COL15A1: variants seen among roughly 807,000 people sequenced by gnomAD.
COL15A1 encodes the protein collagen type XV alpha 1 chain.
In COL15A1, 111 loss-of-function variants were observed where a neutral mutation model predicts 165.9. The observed-to-expected ratio is 0.67, with a 90% CI of 0.57 to 0.78. The LOEUF is 0.78. Among genes scored for constraint, COL15A1 ranks in the 30% least tolerant of loss-of-function variants. The pLI, the probability that COL15A1 is intolerant of heterozygous loss-of-function variation, is 0.00. For synonymous variants in COL15A1, 659 were observed against 674.8 expected (o/e 0.98, Z 0.36); for missense variants, 1,745 against 1,789.7 (o/e 0.98, Z 0.45).
chr9:99,062,982 T>C, intron 38 of COL15A1, 68 bp from the exon 39 acceptor site: 1 of 1,537,580 alleles, frequency 6.5e-7, no homozygotes, highest in Admixed American at 2.3e-5. Flanking sequence ...CACTTGCACC[T>C]CAATACACTC....
intron 7 of COL15A1, 92 bp from the exon 8 acceptor site, chr9:99,003,361 G>A: frequency 1.0e-6 from 1 of 978,992 alleles, no homozygotes; most frequent in Non-Finnish European, 1.4e-6. Flanking sequence ...AATGCAGGTG[G>A]CTGGAGAAGG....
intron 24 of COL15A1, among the ~76,000 whole-genome samples, chr9:99,043,801 G>T (rs1259175599): frequency 6.6e-6 from 1 of 152,188 alleles, no homozygotes; most frequent in Non-Finnish European, 1.5e-5. Flanking sequence ...TCAGATAGAA[G>T]GTTTCTGCAC....
chr9:99,012,164 A>C (rs1386878548), intron 9 of COL15A1, among the ~76,000 whole-genome samples: 1 of 152,224 alleles, frequency 6.6e-6, no homozygotes, highest in Non-Finnish European at 1.5e-5. Context: ...CTTTACCAGT[A>C]ATTTTAAAAC....
At chr9:99,013,256 G>T (rs1011277169) in intron 9 of COL15A1, among the ~76,000 whole-genome samples, 1 of 151,990 alleles carries the variant, frequency 6.6e-6, no homozygotes, top group Non-Finnish European at 1.5e-5. Context: ...TTTGTTGGGG[G>T]TTCCCTGTAG....
intron 2 of COL15A1, among the ~76,000 whole-genome samples, chr9:98,959,320 G>T (rs1219815437): frequency 6.6e-6 from 1 of 151,714 alleles, no homozygotes; most frequent in Non-Finnish European, 1.5e-5. Context: ...TGAGGCAGGA[G>T]GATCGATCAC....
At chr9:99,068,939 A>G (rs1468653161) in intron 41 of COL15A1, among the ~76,000 whole-genome samples, 1 of 152,236 alleles carries the variant, frequency 6.6e-6, no homozygotes, top group East Asian at 1.9e-4. Flanking sequence ...CATCTATGTC[A>G]TAGAATTGTG....
intron 2 of COL15A1, among the ~76,000 whole-genome samples, chr9:98,952,073 C>G (rs1198449206): frequency 6.6e-6 from 1 of 152,200 alleles, no homozygotes; most frequent in African/African-American, 2.4e-5. Context: ...ATGGGCCTGT[C>G]CAACTCTGAA....
chr9:99,001,500 C>T (rs892828779), intron 7 of COL15A1, among the ~76,000 whole-genome samples: 3 of 152,210 alleles, frequency 2.0e-5, no homozygotes, highest in Non-Finnish European at 4.4e-5. Context: ...TCACAGCTCT[C>T]TCAGTCACTA....
rs761174334 is a variant in COL15A1, at chr9:99,004,901, C to T, written c.1204C>T (p.Pro402Ser). ...TTCCTGTTGACTTTCTATTCAGGGT[C>T]CAGATAATGAAGAGCGTTTAGCAGC... is the stretch of plus-strand genomic sequence containing the variant. ...ENPEEGVTPG[P>S]DNEERLAATA... The change falls in exon 9 of 42, where the codon CCA becomes TCA. Residue 402 changes from proline (P) to serine (S), a missense_variant. By Grantham distance (74) the Pro-to-Ser change is moderately conservative (BLOSUM62 -1). Coordinates refer to ENST00000375001, the MANE Select transcript of COL15A1 (RefSeq NM_001855.5). The T allele has an allele frequency of 1.2e-6, 2 of 1,613,852 alleles. No homozygotes were observed. Among genetic ancestry groups the T allele is most frequent in the Non-Finnish European group, 1.7e-6 (2 of 1,179,946 alleles).
intron 2 of COL15A1, among the ~76,000 whole-genome samples, chr9:98,946,042 G>A (rs1837578735): frequency 6.6e-6 from 1 of 152,200 alleles, no homozygotes; most frequent in South Asian, 2.1e-4. Flanking sequence ...GGTTTTCAGT[G>A]CCCCTTTGGG....
At chr9:99,053,304 T>A (rs1839622294) in intron 31 of COL15A1, among the ~76,000 whole-genome samples, 1 of 152,242 alleles carries the variant, frequency 6.6e-6, no homozygotes, top group Non-Finnish European at 1.5e-5. Context: ...AGCCCTGTGG[T>A]TTTTCTGTCA....
At chr9:99,020,488 G>C in intron 12 of COL15A1, 46 bp downstream of exon 12, 1 of 1,354,764 alleles carries the variant, frequency 7.4e-7, no homozygotes, top group Non-Finnish European at 1.1e-6. Flanking sequence ...TCCTGATCAA[G>C]TGTCCTGAAC....
intron 27 of COL15A1, 21 bp from the exon 28 acceptor site, chr9:99,047,919 AG>A (rs1246062154): frequency 1.4e-5 from 22 of 1,608,962 alleles, no homozygotes; most frequent in Non-Finnish European, 1.9e-5. Flanking sequence ...GGGTTTACTG[AG>A]GTGTCTGCTG....
At chr9:98,959,485 T>G (rs1223080897) in intron 2 of COL15A1, among the ~76,000 whole-genome samples, 1 of 152,112 alleles carries the variant, frequency 6.6e-6, no homozygotes, top group Non-Finnish European at 1.5e-5. Flanking sequence ...TAAACTGAGC[T>G]GCATACCATT....
At chr9:99,019,049 CTGA>C (rs1357417019) in intron 11 of COL15A1, among the ~76,000 whole-genome samples, 1 of 152,148 alleles carries the variant, frequency 6.6e-6, no homozygotes, top group Non-Finnish European at 1.5e-5. Flanking sequence ...TGGTTGATGT[CTGA>C]TGAAGACATT....
In COL15A1 at chr9:99,015,418, G is replaced by C; in HGVS notation, c.1355G>C (p.Gly452Ala). The change falls in exon 10 of 42, where the codon GGT (glycine) becomes GCT (alanine). Residue 452 changes from glycine (G) to alanine (A), a missense_variant and splice_region_variant. Transcript: ENST00000375001. ...CTCCTCATGCCAATTTCATTTCAGG[G>C]TCCAAGCAGTGAAGACAGTTTAACA... ...AQSLGEEATV[G>A]PSSEDSLTTA... 1 of 1,606,740 alleles carries C rather than the reference G, an allele frequency of 6.2e-7. No individual in the cohort carries two copies. The highest frequency in any genetic ancestry group is 8.5e-7 in the Non-Finnish European group (1 of 1,174,552).
intron 2 of COL15A1, among the ~76,000 whole-genome samples, chr9:98,967,839 G>A (rs882727): frequency 0.088 from 13,401 of 152,264 alleles, 826 homozygotes; most frequent in Non-Finnish European, 0.13. Flanking sequence ...TGCCTCAACA[G>A]CACAGCAGTT....
rs565694724 is a variant in COL15A1, at chr9:99,027,025, CTCTG to C, written c.2043+1065_2043+1068del. 1.4e-4 allele frequency among the ~76,000 whole-genome samples: 21 copies of C among 152,346 alleles called. No homozygotes were observed. In the South Asian group the frequency reaches 4.4e-3, roughly 32 times the overall value. On this transcript the variant is annotated intron_variant, in intron 16 of 41. Transcript: ENST00000375001. ...CTGGCCTGCCTTCATCCTCTTCATT[CTCTG>C]TCTGTAAGCTGGTCCTGCCTCCTGT...
chr9:99,066,187 G>C (rs576171150), intron 39 of COL15A1, among the ~76,000 whole-genome samples: 40 of 121,406 alleles, frequency 3.3e-4, no homozygotes, highest in Non-Finnish European at 5.9e-4. Context: ...TGGCAGAAAG[G>C]CTGAGAGAGG....
Sources: gnomAD v4.1 joint callset for allele counts (sites outside exome capture counted in the v4.1 genomes callset) on GRCh38, gnomAD v4.1.1 for gene constraint, MANE v1.5 for transcripts, NCBI Gene and HGNC (gene_info 2026-07-23, HGNC 2026-07-21) for gene names.